CYSLTR2: variants seen among roughly 807,000 people sequenced by gnomAD.
CYSLTR2 encodes cysteinyl leukotriene receptor 2, also known as G-protein coupled receptor GPCR21.
For synonymous variants in CYSLTR2, 179 were observed against 160.8 expected (o/e 1.11, Z -0.86); for missense variants, 398 against 411.9 (o/e 0.97, Z 0.29).
intron 4 of CYSLTR2, chr13:48,706,599 T>A: frequency 2.0e-6 from 1 of 491,798 alleles, no homozygotes; most frequent in Non-Finnish European, 3.6e-6. Flanking sequence ...AACAAATTAA[T>A]GGCTATTCTA....
At chr13:48,680,151 A>C (rs904853942) in intron 1 of CYSLTR2, among the ~76,000 whole-genome samples, 1 of 152,160 alleles carries the variant, frequency 6.6e-6, no homozygotes, top group Non-Finnish European at 1.5e-5. Context: ...GCTTGCGGCT[A>C]TTCTGGATTT....
intron 1 of CYSLTR2, among the ~76,000 whole-genome samples, chr13:48,667,324 G>A (rs1308631786): frequency 6.6e-6 from 1 of 152,210 alleles, no homozygotes; most frequent in Admixed American, 6.5e-5. Flanking sequence ...CTAGGGTTAA[G>A]GCCATGGGGC....
chr13:48,681,715 G>C (rs984540681), intron 1 of CYSLTR2, among the ~76,000 whole-genome samples: 5 of 152,174 alleles, frequency 3.3e-5, no homozygotes, highest in African/African-American at 1.2e-4. Context: ...GTCCCTGAGG[G>C]CCTGCTACAT....
chr13:48,661,287 G>A (rs549640107), intron 1 of CYSLTR2, among the ~76,000 whole-genome samples: 3 of 151,982 alleles, frequency 2.0e-5, no homozygotes, highest in Admixed American at 2.0e-4. Context: ...AGCTGACGCC[G>A]AGGGAGATAA....
intron 4 of CYSLTR2, among the ~76,000 whole-genome samples, chr13:48,696,850 A>G (rs865797325): frequency 1.3e-5 from 2 of 152,178 alleles, no homozygotes; most frequent in African/African-American, 2.4e-5. Context: ...TATCCCGCAC[A>G]TGGCTCGGAG....
At chr13:48,676,126 T>C (rs895957407) in intron 1 of CYSLTR2, among the ~76,000 whole-genome samples, 1 of 152,222 alleles carries the variant, frequency 6.6e-6, no homozygotes, top group African/African-American at 2.4e-5. Flanking sequence ...CCTCATTTTA[T>C]AGATAAGCTT....
At position 48,709,886 on chromosome 13, in the gene CYSLTR2, AG is replaced by A. The variant is rs749251652; in HGVS notation, c.*2030del. 1 of 152,242 alleles carries A rather than the reference AG, an allele frequency of 6.6e-6. No homozygotes were observed. Among genetic ancestry groups the A allele is most frequent in the Non-Finnish European group, 1.5e-5 (1 of 68,042 alleles). 9.4% of individuals were successfully genotyped at this position (152,242 alleles called of 1,614,324 possible). On this transcript the variant is annotated 3_prime_UTR_variant, in exon 5 of 5. Transcript: ENST00000682523. Reference sequence around the variant, plus strand: ...ATTCATGTTGGAGCAGGACTCTTAAAGGACTCTAGGAGAGATGTCTCCCAGA... The same window carrying A: ...ATTCATGTTGGAGCAGGACTCTTAAAGACTCTAGGAGAGATGTCTCCCAGA...
chr13:48,661,953 C>A (rs1405361194), intron 1 of CYSLTR2, among the ~76,000 whole-genome samples: 1 of 152,050 alleles, frequency 6.6e-6, no homozygotes, highest in Non-Finnish European at 1.5e-5. Flanking sequence ...GAACTTATTC[C>A]TCTCATCTAG....
intron 2 of CYSLTR2, among the ~76,000 whole-genome samples, chr13:48,691,700 G>A (rs1392298364): frequency 1.3e-5 from 2 of 152,050 alleles, no homozygotes; most frequent in Non-Finnish European, 2.9e-5. Flanking sequence ...AAGTGGGGTT[G>A]CTAATCGAGA....
intron 1 of CYSLTR2, among the ~76,000 whole-genome samples, chr13:48,661,211 C>A (rs1286253743): frequency 6.6e-6 from 1 of 152,050 alleles, no homozygotes; most frequent in Non-Finnish European, 1.5e-5. Flanking sequence ...CTCAGCCTCC[C>A]AAAGTGCTAG....
intron 1 of CYSLTR2, among the ~76,000 whole-genome samples, chr13:48,668,135 G>A (rs1451998511): frequency 6.6e-6 from 1 of 152,102 alleles, no homozygotes; most frequent in Non-Finnish European, 1.5e-5. Context: ...CTGATTATCT[G>A]GAGAGGCAGA....
chr13:48,704,674 G>A (rs528590073), intron 4 of CYSLTR2, among the ~76,000 whole-genome samples: 2 of 151,786 alleles, frequency 1.3e-5, no homozygotes, highest in African/African-American at 2.4e-5. Flanking sequence ...TATATTTTTT[G>A]TTTCCCTTGA....
chr13:48,671,504 C>G (rs1953429794), intron 1 of CYSLTR2, among the ~76,000 whole-genome samples: 1 of 152,146 alleles, frequency 6.6e-6, no homozygotes, highest in Non-Finnish European at 1.5e-5. Context: ...TGAATTTTAT[C>G]AAAGGCCTTT....
At chr13:48,671,205 A>C (rs1285171040) in intron 1 of CYSLTR2, among the ~76,000 whole-genome samples, 2 of 152,222 alleles carry the variant, frequency 1.3e-5, no homozygotes, top group Non-Finnish European at 2.9e-5. Flanking sequence ...GTAAATATAC[A>C]ATCATGTCAT....
chr13:48,687,915 G>A (rs1046249427), intron 1 of CYSLTR2, among the ~76,000 whole-genome samples: 4 of 152,200 alleles, frequency 2.6e-5, no homozygotes, highest in Non-Finnish European at 4.4e-5. Flanking sequence ...AATTACAACA[G>A]GAATTTGCCT....
chr13:48,671,743 T>A (rs979887416), intron 1 of CYSLTR2, among the ~76,000 whole-genome samples: 3 of 152,178 alleles, frequency 2.0e-5, no homozygotes, highest in African/African-American at 7.2e-5. Flanking sequence ...ATTTTCTTTT[T>A]TTTGTTGTGT....
chr13:48,677,974 C>G (rs1281903452), intron 1 of CYSLTR2, among the ~76,000 whole-genome samples: 1 of 151,538 alleles, frequency 6.6e-6, no homozygotes, highest in African/African-American at 2.4e-5. Flanking sequence ...AGGGTTCAAG[C>G]TCTTCTCGTG....
intron 4 of CYSLTR2, among the ~76,000 whole-genome samples, chr13:48,705,912 G>C (rs1954469249): frequency 6.7e-6 from 1 of 149,838 alleles, no homozygotes; most frequent in Non-Finnish European, 1.5e-5. Context: ...AATATTCTAA[G>C]TTTCCTTCTT....
chr13:48,709,547 C>T lies in CYSLTR2; in HGVS notation c.*1689C>T, dbSNP rs896239608. The T allele has an allele frequency of 6.6e-6, 1 of 152,460 alleles. No individual in the cohort carries two copies. Among genetic ancestry groups the T allele is most frequent in the Non-Finnish European group, 1.5e-5 (1 of 68,034 alleles). 9.4% of individuals were successfully genotyped at this position (152,460 alleles called of 1,614,324 possible). ...AGCTGCGTGTCTGCCCTATTACTCA[C>T]CTGACGATGAAGCCCACAATGCAAC... On this transcript the variant is annotated 3_prime_UTR_variant, in exon 5 of 5. Transcript: ENST00000682523.
Sources: allele counts gnomAD v4.1 joint callset (sites outside exome capture counted in the v4.1 genomes callset), GRCh38; gene constraint gnomAD v4.1.1; transcripts MANE v1.5; gene names NCBI Gene and HGNC (gene_info 2026-07-23, HGNC 2026-07-21).